Variants in MAP3K4 observed in about 807,000 individuals in gnomAD.
MAP3K4 encodes MAP three kinase 1.
A neutral mutation model predicts 185.6 loss-of-function variants in MAP3K4; 67 were observed. That is an observed-to-expected ratio of 0.36 (90% CI 0.30 to 0.44). MAP3K4 has a LOEUF of 0.44. MAP3K4 is among the 20% of genes least tolerant of loss of function. MAP3K4 has a pLI of 1.00. For synonymous variants in MAP3K4, 702 were observed against 710.4 expected, an observed-to-expected ratio of 0.99 and a Z score of 0.19; for missense variants, 1,551 against 1,995.1, an observed-to-expected ratio of 0.78 and a Z score of 4.24.
rs779234758 is a variant in MAP3K4, at chr6:161,075,652, G to A, written c.2097+2040G>A. 1.3e-5 allele frequency among the ~76,000 whole-genome samples: 2 copies of A among 152,166 alleles called. No homozygotes were observed. The highest frequency in any genetic ancestry group is 1.5e-5 in the Non-Finnish European group (1 of 68,032). On this transcript the variant is annotated intron_variant, in intron 5 of 26. Transcript: ENST00000392142. This position sits in a 1 kb window ranked among gnomAD's most constrained non-coding sequence, Gnocchi z 4.3. Reference sequence around the variant, plus strand: ...AGGGGAGCAGGGTGAGGAGCATCAGGCATGTGAACCACGCCTTCCTGGTCA... The same window carrying A: ...AGGGGAGCAGGGTGAGGAGCATCAGACATGTGAACCACGCCTTCCTGGTCA...
chr6:161,093,414 AT>A lies in MAP3K4; in HGVS notation c.3349-357del, dbSNP rs1364037742. ...TGAGAGCATCATGCTCGTGTTAAATATTATCACTGTTAGTCTGATAAGTGTC... is the reference window on the plus strand; with the variant it reads ...TGAGAGCATCATGCTCGTGTTAAATATATCACTGTTAGTCTGATAAGTGTC... On this transcript the variant is annotated intron_variant, in intron 14 of 26. Transcript: ENST00000392142. This position sits in a 1 kb window ranked among gnomAD's most constrained non-coding sequence, Gnocchi z 5.2. 2.0e-5 allele frequency among the ~76,000 whole-genome samples: 3 copies of A among 152,212 alleles called. No individual in the cohort carries two copies. Among genetic ancestry groups the A allele is most frequent in the African/African-American group, 7.2e-5 (3 of 41,452 alleles).
intron 23 of MAP3K4, among the ~76,000 whole-genome samples, 196 bp from the exon 24 acceptor site, chr6:161,111,640 A>T (rs1778354764): frequency 6.6e-6 from 1 of 152,220 alleles, no homozygotes; most frequent in Admixed American, 6.5e-5. Context: ...CACTGGTGTT[A>T]AAATTTTGTT....
intron 1 of MAP3K4, among the ~76,000 whole-genome samples, chr6:161,020,346 CAT>C (rs1782320045): frequency 1.3e-5 from 2 of 152,078 alleles, no homozygotes; most frequent in South Asian, 4.1e-4. Context: ...TCCCTGCCCA[CAT>C]GTGTGCACTT....
chr6:161,014,532 T>C (rs1285802935), intron 1 of MAP3K4, among the ~76,000 whole-genome samples: 1 of 152,238 alleles, frequency 6.6e-6, no homozygotes, highest in Non-Finnish European at 1.5e-5. Context: ...CTAGTCACAA[T>C]TTCCTCTAGA....
chr6:161,070,566 C>T lies in MAP3K4; in HGVS notation c.1708-42C>T, dbSNP rs201924037. On this transcript the variant is annotated intron_variant, in intron 3 of 26. Transcript: ENST00000392142. This position sits in a 1 kb window ranked among gnomAD's most constrained non-coding sequence, Gnocchi z 4.5. ...TAACCACAACCGTAGAACGTTGTCTCGTATGCTCTTTTAATCTGTGCCTGT... is the reference window on the plus strand; with the variant it reads ...TAACCACAACCGTAGAACGTTGTCTTGTATGCTCTTTTAATCTGTGCCTGT... The T allele has an allele frequency of 5.2e-5, 83 of 1,588,644 alleles. No homozygotes were observed. Among genetic ancestry groups the T allele is most frequent in the Non-Finnish European group, 6.9e-5 (80 of 1,165,420 alleles).
chr6:161,004,113 GA>G (rs11289897), intron 1 of MAP3K4, among the ~76,000 whole-genome samples: 111,574 of 151,842 alleles, frequency 0.73, 42,092 homozygotes, highest in Non-Finnish European at 0.82. Flanking sequence ...AATATGTCCT[GA>G]ACATCTATCT....
chr6:161,040,998 G>T (rs144727182), intron 2 of MAP3K4, among the ~76,000 whole-genome samples: 1 of 152,330 alleles, frequency 6.6e-6, no homozygotes, highest in African/African-American at 2.4e-5. Flanking sequence ...TCTTCCACGG[G>T]CTGGCTTAAT....
chr6:161,112,050 A>G lies in MAP3K4; in HGVS notation c.4519+92A>G. On this transcript the variant is annotated intron_variant, in intron 24 of 26. Transcript: ENST00000392142. The surrounding 1 kb of genome is among the most constrained non-coding windows in gnomAD (Gnocchi z 5.1). ...CCTTCACCTTTGTTTGTCAGTAGAG[A>G]TGGGAGAGCAGGTAAAGGTTTTCAG... 1 of 1,515,788 alleles carries G rather than the reference A, an allele frequency of 6.6e-7. No individual in the cohort carries two copies. The highest frequency in any genetic ancestry group is 8.9e-7 in the Non-Finnish European group (1 of 1,121,976). 93.9% of individuals were successfully genotyped at this position (1,515,788 alleles called of 1,614,324 possible). A position where few individuals can be genotyped will look rare whatever the true frequency, so the allele number is the denominator to read the frequency against.
intron 2 of MAP3K4, among the ~76,000 whole-genome samples, chr6:161,035,052 C>G (rs1047927723): frequency 2.0e-5 from 3 of 151,960 alleles, no homozygotes; most frequent in African/African-American, 7.3e-5. Flanking sequence ...TTTTTCTTTC[C>G]CCCCAACCTC....
rs1343461462 is a variant in MAP3K4 at position 161,074,662 on chromosome 6, G to A, written c.2097+1050G>A. ...TAGTGTTCATGTATCGTAAGTACAC[G>A]TTAGATTCATTAGGGTATATGCATA... On this transcript the variant is annotated intron_variant, in intron 5 of 26. Transcript: ENST00000392142. This position sits in a 1 kb window ranked among gnomAD's most constrained non-coding sequence, Gnocchi z 5.0. 1.3e-5 allele frequency among the ~76,000 whole-genome samples: 2 copies of A among 152,210 alleles called. No individual in the cohort carries two copies. The highest frequency in any genetic ancestry group is 2.9e-5 in the Non-Finnish European group (2 of 68,042).
Position 161,036,342 on chromosome 6 carries a change from T to C in MAP3K4, c.343+1893T>C, listed in dbSNP as rs1445138214. Among the ~76,000 whole-genome samples the C allele has an allele frequency of 2.0e-5, 3 of 152,178 alleles. No homozygotes were observed. The South Asian group carries it at 6.2e-4, about 32-fold the overall frequency. On this transcript the variant is annotated intron_variant, in intron 2 of 26. Transcript: ENST00000392142. ...TGATAGCAGACCCAGGACACCAAAA[T>C]CCTTAATAAGTTATTATTTTTCTTA...
chr6:161,107,896 C>T lies in MAP3K4; in HGVS notation c.4049-3C>T. The stretch of plus-strand genomic sequence containing the variant: ...AAGTGCAGCTTGTTTGCATTGTTCA[C>T]AGGAGAAGGCCAGTATGGGAAGGTG... On this transcript the variant is annotated splice_region_variant and splice_polypyrimidine_tract_variant and intron_variant, in intron 20 of 26. Coordinates refer to ENST00000392142, the MANE Select transcript of MAP3K4 (RefSeq NM_005922.4). This position sits in a 1 kb window ranked among gnomAD's most constrained non-coding sequence, Gnocchi z 6.2. The T allele has an allele frequency of 1.2e-6, 2 of 1,613,666 alleles. No individual in the cohort carries two copies. Among genetic ancestry groups the T allele is most frequent in the Non-Finnish European group, 1.7e-6 (2 of 1,179,644 alleles).
rs924022609 is a variant in MAP3K4, at chr6:161,116,369, G to C, written c.4807-481G>C. ...GTGGGAGACAGAAGTATTGCTGGGAGGGTCCACAGAGGACAAGGGGATGAG... is the reference window on the plus strand; with the variant it reads ...GTGGGAGACAGAAGTATTGCTGGGACGGTCCACAGAGGACAAGGGGATGAG... On this transcript the variant is annotated intron_variant, in intron 26 of 26. Coordinates refer to ENST00000392142, the MANE Select transcript of MAP3K4 (RefSeq NM_005922.4). The surrounding 1 kb of genome is among the most constrained non-coding windows in gnomAD (Gnocchi z 6.2). Among the ~76,000 whole-genome samples, 4 of 151,970 alleles carry C rather than the reference G, an allele frequency of 2.6e-5. No individual in the cohort carries two copies. The highest frequency in any genetic ancestry group is 5.9e-5 in the Non-Finnish European group (4 of 68,006).
At chr6:161,009,241 C>T (rs904578055) in intron 1 of MAP3K4, among the ~76,000 whole-genome samples, 1 of 152,260 alleles carries the variant, frequency 6.6e-6, no homozygotes, top group East Asian at 1.9e-4. Flanking sequence ...GCCTCGGCCT[C>T]CCAAAGTGCT....
chr6:161,093,526 G>A lies in MAP3K4; in HGVS notation c.3349-247G>A, dbSNP rs1777421002. Reference sequence around the variant, plus strand: ...GAGACGATTACATGAAAAGTTCTTTGCTTGTACACGTTATTGTGTTATGGG... The same window carrying A: ...GAGACGATTACATGAAAAGTTCTTTACTTGTACACGTTATTGTGTTATGGG... On this transcript the variant is annotated intron_variant, in intron 14 of 26. Coordinates refer to ENST00000392142, the MANE Select transcript of MAP3K4 (RefSeq NM_005922.4). The surrounding 1 kb of genome is among the most constrained non-coding windows in gnomAD (Gnocchi z 5.2). Among the ~76,000 whole-genome samples, 1 of 152,016 alleles carries A rather than the reference G, an allele frequency of 6.6e-6. No homozygotes were observed. Among genetic ancestry groups the A allele is most frequent in the Non-Finnish European group, 1.5e-5 (1 of 67,988 alleles).
chr6:161,012,481 G>T (rs545671165), intron 1 of MAP3K4, among the ~76,000 whole-genome samples: 31 of 152,240 alleles, frequency 2.0e-4, no homozygotes, highest in African/African-American at 7.2e-4. Flanking sequence ...ATAATTCATG[G>T]TCTGGTGCAG....
Position 161,037,539 on chromosome 6 carries a change from C to T in MAP3K4, c.343+3090C>T, listed in dbSNP as rs1783227022. Among the ~76,000 whole-genome samples, 2 of 152,176 alleles carry T rather than the reference C, an allele frequency of 1.3e-5. No individual in the cohort carries two copies. Among genetic ancestry groups the T allele is most frequent in the African/African-American group, 4.8e-5 (2 of 41,442 alleles). On this transcript the variant is annotated intron_variant, in intron 2 of 26. Transcript: ENST00000392142. This position sits in a 1 kb window ranked among gnomAD's most constrained non-coding sequence, Gnocchi z 4.2. Reference sequence around the variant, plus strand: ...GTTCAAGCAATTCTCCTGCCTCACCCTCCCGAGTAGCTAGGACTACAGGCA... The same window carrying T: ...GTTCAAGCAATTCTCCTGCCTCACCTTCCCGAGTAGCTAGGACTACAGGCA...
intron 3 of MAP3K4, among the ~76,000 whole-genome samples, chr6:161,065,272 T>C (rs1784656889): frequency 6.6e-6 from 1 of 152,176 alleles, no homozygotes; most frequent in African/African-American, 2.4e-5. Flanking sequence ...ATTATGAGAA[T>C]TTACTATGCA....
At chr6:161,035,630 C>A (rs1172718374) in intron 2 of MAP3K4, among the ~76,000 whole-genome samples, 13 of 152,132 alleles carry the variant, frequency 8.5e-5, no homozygotes, top group Admixed American at 7.2e-4. Flanking sequence ...CCTGTACTTA[C>A]CCCTTTGGAA....
Sources: allele counts gnomAD v4.1 joint callset (sites outside exome capture counted in the v4.1 genomes callset), GRCh38; gene constraint gnomAD v4.1.1; non-coding constraint Gnocchi (gnomAD v3.1); transcripts MANE v1.5; gene names NCBI Gene and HGNC (gene_info 2026-07-23, HGNC 2026-07-21).